The following SDK1 variants were observed in gnomAD, a reference collection of about 807,000 sequenced individuals.
SDK1 encodes the protein protein sidekick-1.
A neutral mutation model predicts 245.5 loss-of-function variants in SDK1; 157 were observed. That is an observed-to-expected ratio of 0.64 (90% CI 0.56 to 0.73). The LOEUF (loss-of-function observed/expected upper bound fraction) is 0.73. SDK1 is among the 30% of genes least tolerant of loss of function. SDK1 has a pLI of 0.00. For missense variants in SDK1, 3,583 were observed against 3,002.3 expected (o/e 1.19, Z -4.52); for synonymous variants, 1,647 against 1,278.5 (o/e 1.29, Z -6.15).
chr7:3,764,308 T>G (rs1005089744), intron 4 of SDK1, among the ~76,000 whole-genome samples: 2 of 152,204 alleles, frequency 1.3e-5, no homozygotes, highest in African/African-American at 4.8e-5. Context: ...TTCTCCATCC[T>G]ACTGGACAAA....
chr7:3,669,594 T>TCC (rs1302934600), intron 4 of SDK1, among the ~76,000 whole-genome samples: 2 of 152,198 alleles, frequency 1.3e-5, no homozygotes, highest in Non-Finnish European at 2.9e-5. Flanking sequence ...CTTGCCTTCC[T>TCC]CCACCTGTCT....
At chr7:3,612,054 G>T (rs76647801) in intron 1 of SDK1, among the ~76,000 whole-genome samples, 3 of 152,226 alleles carry the variant, frequency 2.0e-5, no homozygotes, top group African/African-American at 7.2e-5. Flanking sequence ...CTGTGAGGAT[G>T]CCTAAGAATG....
chr7:3,824,351 A>T (rs969692349), intron 5 of SDK1, among the ~76,000 whole-genome samples: 4 of 152,240 alleles, frequency 2.6e-5, no homozygotes, highest in African/African-American at 7.2e-5. Flanking sequence ...AAGATATTAC[A>T]GCCAATTATC....
chr7:3,525,202 G>A (rs1282810733), intron 1 of SDK1, among the ~76,000 whole-genome samples: 1 of 151,822 alleles, frequency 6.6e-6, no homozygotes, highest in Non-Finnish European at 1.5e-5. Context: ...TTCTTGGTGG[G>A]CCCTGGAACC....
chr7:3,788,410 A>T (rs757691638), intron 4 of SDK1, among the ~76,000 whole-genome samples: 5 of 152,144 alleles, frequency 3.3e-5, no homozygotes, highest in Non-Finnish European at 4.4e-5. Context: ...GTCTGTGCAG[A>T]GGGGATAAGG....
chr7:3,521,113 C>T (rs1361198909), intron 1 of SDK1, among the ~76,000 whole-genome samples: 1 of 152,170 alleles, frequency 6.6e-6, no homozygotes, highest in Non-Finnish European at 1.5e-5. Flanking sequence ...CCTCCATCTT[C>T]TGCCAGCTCT....
chr7:4,216,976 C>T lies in SDK1; in HGVS notation c.5540-3133C>T, dbSNP rs143683413. Among the ~76,000 whole-genome samples the T allele has an allele frequency of 1.6e-3, 242 of 149,240 alleles. 2 individuals are homozygous for T. Among genetic ancestry groups the T allele is most frequent in the African/African-American group, 5.6e-3 (225 of 40,342 alleles). On this transcript the variant is annotated intron_variant, in intron 38 of 44. Coordinates refer to ENST00000404826, the MANE Select transcript of SDK1 (RefSeq NM_152744.4). ...ACATTGTCCAGAGCACCAGGCCACC[C>T]GGAGCACCACACCACCCGGAGCACC...
chr7:4,059,461 T>C (rs1419580394), intron 19 of SDK1, among the ~76,000 whole-genome samples: 1 of 152,178 alleles, frequency 6.6e-6, no homozygotes, highest in Non-Finnish European at 1.5e-5. Flanking sequence ...TATTATTAGA[T>C]CTACAGGGAG....
chr7:3,540,101 C>T (rs992155535), intron 1 of SDK1, among the ~76,000 whole-genome samples: 3 of 152,206 alleles, frequency 2.0e-5, no homozygotes, highest in Non-Finnish European at 4.4e-5. Flanking sequence ...ATTGTCCTCT[C>T]TGGTAAACCC....
chr7:3,398,834 T>G (rs1778805222), intron 1 of SDK1, among the ~76,000 whole-genome samples: 1 of 149,586 alleles, frequency 6.7e-6, no homozygotes, highest in Non-Finnish European at 1.5e-5. Context: ...AGTTACCACT[T>G]AAGTGTTCCT....
At chr7:3,625,166 A>G (rs1289618467) in intron 2 of SDK1, among the ~76,000 whole-genome samples, 1 of 152,224 alleles carries the variant, frequency 6.6e-6, no homozygotes, top group Admixed American at 6.5e-5. Flanking sequence ...ACAATGAACA[A>G]TTAAATATAA....
chr7:3,682,326 A>G (rs903011468), intron 4 of SDK1, among the ~76,000 whole-genome samples: 1 of 152,186 alleles, frequency 6.6e-6, no homozygotes, highest in East Asian at 1.9e-4. Flanking sequence ...CTTTTCAACT[A>G]TGCCACAGTT....
At position 4,265,851 on chromosome 7, in the gene SDK1, C is replaced by A; in HGVS notation, c.*467C>A. On this transcript the variant is annotated 3_prime_UTR_variant, in exon 45 of 45. Transcript: ENST00000404826. Reference sequence around the variant, plus strand: ...TCACACCCTTCTCAACGCAGGACATCCTCGGCGGCTCCTGGGGTTTGAAGA... The same window carrying A: ...TCACACCCTTCTCAACGCAGGACATACTCGGCGGCTCCTGGGGTTTGAAGA... The A allele has an allele frequency of 1.0e-6, 1 of 990,196 alleles. No homozygotes were observed. The highest frequency in any genetic ancestry group is 1.2e-6 in the Non-Finnish European group (1 of 833,546). 61.3% of individuals were successfully genotyped at this position (990,196 alleles called of 1,614,324 possible).
intron 1 of SDK1, among the ~76,000 whole-genome samples, chr7:3,484,173 AGGT>A (rs1258357866): frequency 1.3e-5 from 2 of 152,210 alleles, no homozygotes. Context: ...TCCAGTCCAC[AGGT>A]GGCCCTGCCA....
At chr7:4,053,543 A>C (rs1475377284) in intron 19 of SDK1, among the ~76,000 whole-genome samples, 1 of 151,964 alleles carries the variant, frequency 6.6e-6, no homozygotes, top group Non-Finnish European at 1.5e-5. Flanking sequence ...CAGCTCCCTG[A>C]CTGTGCTGCC....
chr7:3,552,659 C>A (rs181221770), intron 1 of SDK1, among the ~76,000 whole-genome samples: 2 of 152,276 alleles, frequency 1.3e-5, no homozygotes, highest in East Asian at 1.9e-4. Context: ...TAAGATCTTA[C>A]CTTATTCATG....
At chr7:3,868,534 TG>T (rs904201398) in intron 5 of SDK1, among the ~76,000 whole-genome samples, 1 of 152,218 alleles carries the variant, frequency 6.6e-6, no homozygotes, top group Non-Finnish European at 1.5e-5. Flanking sequence ...ACAAAATAGA[TG>T]GGGGGCCTTT....
At chr7:4,003,892 G>T (rs145037179) in intron 14 of SDK1, among the ~76,000 whole-genome samples, 54 of 152,346 alleles carry the variant, frequency 3.5e-4, no homozygotes, top group African/African-American at 1.3e-3. Context: ...GCCCTCGCGG[G>T]CATTGCTCCA....
Position 3,380,480 on chromosome 7 carries a change from A to G in SDK1, c.298+78596A>G, listed in dbSNP as rs116084205. Among the ~76,000 whole-genome samples, 167 of 152,356 alleles carry G rather than the reference A, an allele frequency of 1.1e-3. 1 individual carries two copies. Among genetic ancestry groups the G allele is most frequent in the African/African-American group, 3.8e-3 (159 of 41,584 alleles). Reference sequence around the variant, plus strand: ...AGTGTCTGCAGAATAGCACTTACATATTCAGGCTGACAATATGTGTTTGAG... The same window carrying G: ...AGTGTCTGCAGAATAGCACTTACATGTTCAGGCTGACAATATGTGTTTGAG... On this transcript the variant is annotated intron_variant, in intron 1 of 44. Transcript: ENST00000404826.
Sources: gnomAD v4.1 joint callset for allele counts (sites outside exome capture counted in the v4.1 genomes callset) on GRCh38, gnomAD v4.1.1 for gene constraint, MANE v1.5 for transcripts, NCBI Gene and HGNC (gene_info 2026-07-23, HGNC 2026-07-21) for gene names.